Variants in DPP10 observed in about 807,000 individuals in gnomAD.
DPP10 encodes the protein inactive dipeptidyl peptidase 10.
Under a neutral mutation model 120.9 loss-of-function variants are expected in DPP10, and 33 were observed. The ratio of observed to expected loss-of-function variants is 0.27; its 90% confidence interval spans 0.21 to 0.37. The LOEUF is 0.37. Ranked by LOEUF, DPP10 falls within the 10% of genes least tolerant of loss-of-function variation. The pLI, the probability that DPP10 is intolerant of heterozygous loss-of-function variation, is 1.00. For missense variants in DPP10, 816 were observed against 942.8 expected (o/e 0.87, Z 1.76); for synonymous variants, 337 against 326.1 (o/e 1.03, Z -0.36).
rs1403896889 is a variant in DPP10, at chr2:114,581,175, T to G, written c.60+138337T>G. Among the ~76,000 whole-genome samples the G allele has an allele frequency of 1.3e-3, 9 of 6,798 alleles. No individual in the cohort carries two copies. In the East Asian group the frequency reaches 0.023, roughly 18 times the overall value. The allele number at this position is 6,798 out of a possible 152,430, so 4.5% of individuals were successfully genotyped here. On this transcript the variant is annotated intron_variant, in intron 1 of 25. Transcript: ENST00000410059. Reference sequence around the variant, plus strand: ...ACATCATTTTCTTTTTTTCTTCTCTTTTTTTTTTTTTTTTTTTTTTTTTTT... The same window carrying G: ...ACATCATTTTCTTTTTTTCTTCTCTGTTTTTTTTTTTTTTTTTTTTTTTTT...
chr2:115,830,448 A>G (rs754824338), intron 21 of DPP10, among the ~76,000 whole-genome samples: 1 of 151,924 alleles, frequency 6.6e-6, no homozygotes, highest in Non-Finnish European at 1.5e-5. Flanking sequence ...TATCACTGTG[A>G]TTACCAGGCC....
intron 1 of DPP10, among the ~76,000 whole-genome samples, chr2:114,675,462 T>C (rs995402960): frequency 2.6e-5 from 4 of 152,176 alleles, no homozygotes; most frequent in Admixed American, 6.6e-5. Context: ...TTGTGGCTAA[T>C]AAACACGTGG....
rs56306410 is a variant in DPP10, at chr2:114,703,393, A to G, written c.60+260555A>G. Among the ~76,000 whole-genome samples, 1,315 of 152,306 alleles carry G rather than the reference A, an allele frequency of 8.6e-3. 29 individuals are homozygous for G. The highest frequency in any genetic ancestry group is 0.03 in the African/African-American group (1,259 of 41,582). On this transcript the variant is annotated intron_variant, in intron 1 of 25. Coordinates refer to ENST00000410059, the MANE Select transcript of DPP10 (RefSeq NM_020868.6). ...CATAAGATCACAATTGTGATTTTAC[A>G]ATACATCTTAATAAAAAGAGTAAAT...
intron 1 of DPP10, among the ~76,000 whole-genome samples, chr2:115,061,663 T>A (rs1706413133): frequency 6.6e-6 from 1 of 152,168 alleles, no homozygotes; most frequent in South Asian, 2.1e-4. Context: ...TATATAGGTT[T>A]AAAAGTATGC....
chr2:115,108,134 C>A (rs1263190712), intron 1 of DPP10, among the ~76,000 whole-genome samples: 2 of 152,038 alleles, frequency 1.3e-5, no homozygotes, highest in African/African-American at 4.8e-5. Context: ...GATATTTACC[C>A]CTAGAAAAGA....
At chr2:114,934,621 T>C (rs775249029) in intron 1 of DPP10, among the ~76,000 whole-genome samples, 1 of 151,988 alleles carries the variant, frequency 6.6e-6, no homozygotes, top group Non-Finnish European at 1.5e-5. Flanking sequence ...CAACTCTGTG[T>C]GCGTGTGTGT....
rs779382124 is a variant in DPP10 at position 115,525,933 on chromosome 2, A to G, written c.402A>G (p.Pro134=). The change falls in exon 5 of 26, where the codon CCA becomes CCG. Residue 134 remains proline (P), a synonymous_variant. Coordinates refer to ENST00000410059, the MANE Select transcript of DPP10 (RefSeq NM_020868.6). ...TFKASRHSVS[P]DLKYVLLAYD... is the part of the protein sequence containing the mutation. ...AAGCATCAAGACATTCAGTTTCACC[A>G]GATTTAAAATATGTCCTTCTGGCAT... 4 of 1,610,384 alleles carry G rather than the reference A, an allele frequency of 2.5e-6. No homozygotes were observed. Among genetic ancestry groups the G allele is most frequent in the African/African-American group, 2.7e-5 (2 of 74,726 alleles).
chr2:115,163,123 C>T (rs1053146827), intron 1 of DPP10, among the ~76,000 whole-genome samples: 3 of 152,140 alleles, frequency 2.0e-5, no homozygotes, highest in East Asian at 1.9e-4. Context: ...ACCCTCCCAG[C>T]TTATTGCTAG....
intron 3 of DPP10, chr2:115,468,443 C>T: frequency 6.6e-6 from 3 of 453,706 alleles, no homozygotes; most frequent in South Asian, 4.8e-5. Flanking sequence ...GGGCTGGCCA[C>T]TGTCCTCTCA....
At chr2:115,132,068 C>A (rs10221691) in intron 1 of DPP10, 1 of 152,018 alleles carries the variant, frequency 6.6e-6, no homozygotes, top group African/African-American at 2.4e-5. Flanking sequence ...CCAGTCTGGG[C>A]GACAGAGTGG....
chr2:115,817,997 G>C (rs1350318539), intron 21 of DPP10, among the ~76,000 whole-genome samples: 2 of 151,704 alleles, frequency 1.3e-5, no homozygotes, highest in African/African-American at 2.4e-5. Context: ...AACTAGTAAA[G>C]TAAAAAACAA....
intron 1 of DPP10, among the ~76,000 whole-genome samples, chr2:115,135,354 T>G (rs1056153186): frequency 6.6e-6 from 1 of 152,110 alleles, no homozygotes; most frequent in Non-Finnish European, 1.5e-5. Flanking sequence ...CTCAATTCCC[T>G]ATCTACCTTC....
chr2:115,294,238 T>TG (rs1258169120), intron 1 of DPP10, among the ~76,000 whole-genome samples: 1 of 152,062 alleles, frequency 6.6e-6, no homozygotes, highest in Non-Finnish European at 1.5e-5. Flanking sequence ...ATGGTGTGGG[T>TG]GGGCATGCAT....
At chr2:115,683,358 C>A (rs557100566) in intron 5 of DPP10, among the ~76,000 whole-genome samples, 1 of 151,958 alleles carries the variant, frequency 6.6e-6, no homozygotes, top group African/African-American at 2.4e-5. Flanking sequence ...GGGATGAACT[C>A]GTGGAACACA....
chr2:115,522,952 A>G (rs547404338), intron 4 of DPP10, among the ~76,000 whole-genome samples: 1 of 152,242 alleles, frequency 6.6e-6, no homozygotes, highest in Admixed American at 6.5e-5. Context: ...AGAATACCCC[A>G]AATGCAATAA....
chr2:114,925,753 G>A (rs1695573246), intron 1 of DPP10, among the ~76,000 whole-genome samples: 1 of 152,132 alleles, frequency 6.6e-6, no homozygotes, highest in South Asian at 2.1e-4. Flanking sequence ...TGTACGTGCA[G>A]GGATATGGAC....
intron 19 of DPP10, among the ~76,000 whole-genome samples, chr2:115,800,708 CTTGT>C (rs1682760683): frequency 6.6e-6 from 1 of 152,120 alleles, no homozygotes; most frequent in Admixed American, 6.5e-5. Flanking sequence ...TTCCCCATTG[CTTGT>C]TTTTGTCAGG....
intron 12 of DPP10, among the ~76,000 whole-genome samples, chr2:115,767,177 C>T (rs1388173450): frequency 6.6e-6 from 1 of 151,958 alleles, no homozygotes; most frequent in East Asian, 1.9e-4. Flanking sequence ...AAGATCCAGA[C>T]CAAGGGAATA....
At chr2:114,473,526 AG>A (rs1301296429) in intron 1 of DPP10, among the ~76,000 whole-genome samples, 1 of 152,254 alleles carries the variant, frequency 6.6e-6, no homozygotes, top group Non-Finnish European at 1.5e-5. Context: ...CTGTACTTTT[AG>A]GAACATAACC....
Sources: allele counts gnomAD v4.1 joint callset (sites outside exome capture counted in the v4.1 genomes callset), GRCh38; gene constraint gnomAD v4.1.1; transcripts MANE v1.5; gene names NCBI Gene and HGNC (gene_info 2026-07-23, HGNC 2026-07-21).